Variants in PCDH7 observed in about 807,000 individuals in gnomAD.
PCDH7 encodes the protein protocadherin 7, also known as protocadherin-7.
PCDH7 carries 17 observed loss-of-function variants against 58.9 expected under a neutral mutation model. The ratio of observed to expected loss-of-function variants is 0.29; its 90% CI spans 0.20 to 0.43. The LOEUF (loss-of-function observed/expected upper bound fraction) is 0.43, where lower values mean the gene tolerates loss of function less well. Ranked by LOEUF, PCDH7 falls within the 20% of genes least tolerant of loss-of-function variation. PCDH7 has a pLI of 1.00. For synonymous variants in PCDH7, 664 were observed against 616.4 expected (o/e 1.08, Z -1.14); for missense variants, 1,274 against 1,441.0 (o/e 0.88, Z 1.88).
chr4:31,077,902 G>C (rs2109262957), intron 3 of PCDH7, among the ~76,000 whole-genome samples: 2 of 152,240 alleles, frequency 1.3e-5, no homozygotes, highest in Middle Eastern at 6.8e-3. Context: ...TTAACAAGCT[G>C]TTTTGAAGGA....
At chr4:31,124,366 T>C (rs1243359165) in intron 3 of PCDH7, among the ~76,000 whole-genome samples, 1 of 152,212 alleles carries the variant, frequency 6.6e-6, no homozygotes, top group Non-Finnish European at 1.5e-5. Context: ...ACATAGTTGA[T>C]AAGTGGCAGA....
At chr4:30,885,047 T>A (rs1009019630) in intron 1 of PCDH7, 6 of 152,188 alleles carry the variant, frequency 3.9e-5, no homozygotes, top group Admixed American at 3.9e-4. Context: ...GGGAATTATC[T>A]TGTAAGGGTG....
chr4:30,920,015 T>C (rs778830750), intron 1 of PCDH7, 138 bp from the exon 2 acceptor site: 10 of 480,294 alleles, frequency 2.1e-5, no homozygotes, highest in Non-Finnish European at 3.5e-5. Context: ...AGTTAACTAA[T>C]GCAGTTTCAA....
At chr4:31,061,877 C>A (rs905605333) in intron 3 of PCDH7, among the ~76,000 whole-genome samples, 4 of 151,640 alleles carry the variant, frequency 2.6e-5, no homozygotes, top group African/African-American at 9.7e-5. Context: ...ATTGGTTGTG[C>A]ATATACACAG....
chr4:30,817,209 A>G (rs1203823474), intron 1 of PCDH7, among the ~76,000 whole-genome samples: 2 of 152,196 alleles, frequency 1.3e-5, no homozygotes, highest in Admixed American at 1.3e-4. Context: ...TGGGACCTTA[A>G]GCAGGTCATC....
intron 1 of PCDH7, among the ~76,000 whole-genome samples, chr4:30,753,848 A>G (rs1214661707): frequency 6.6e-6 from 1 of 152,180 alleles, no homozygotes; most frequent in Non-Finnish European, 1.5e-5. Flanking sequence ...CATTGCACAT[A>G]TAAATATGGA....
At chr4:30,980,832 AG>A in intron 3 of PCDH7, among the ~76,000 whole-genome samples, 1 of 152,040 alleles carries the variant, frequency 6.6e-6, no homozygotes, top group East Asian at 1.9e-4. Flanking sequence ...GAATCTCTTT[AG>A]TTATTTATTT....
intron 1 of PCDH7, among the ~76,000 whole-genome samples, chr4:30,905,639 T>C (rs139754122): frequency 5.5e-4 from 84 of 152,290 alleles, no homozygotes; most frequent in African/African-American, 2.0e-3. Context: ...TCTGTTGGAT[T>C]GCATGTCATT....
chr4:31,097,440 T>G (rs1214859281), intron 3 of PCDH7, among the ~76,000 whole-genome samples: 1 of 143,376 alleles, frequency 7.0e-6, no homozygotes, highest in Non-Finnish European at 1.5e-5. Context: ...CGTTGTAGAG[T>G]AAGACTTCGT....
chr4:31,057,092 T>A (rs1234928271), intron 3 of PCDH7, among the ~76,000 whole-genome samples: 2 of 152,226 alleles, frequency 1.3e-5, no homozygotes, highest in Non-Finnish European at 2.9e-5. Flanking sequence ...TATTCATAAA[T>A]GTACTTTATT....
intron 1 of PCDH7, among the ~76,000 whole-genome samples, chr4:30,908,737 C>T (rs1560491464): frequency 6.6e-6 from 1 of 152,014 alleles, no homozygotes; most frequent in African/African-American, 2.4e-5. Flanking sequence ...TCTTCTGAAA[C>T]TATTCCAAAC....
intron 2 of PCDH7, among the ~76,000 whole-genome samples, chr4:30,933,564 G>T (rs1386762664): frequency 1.3e-5 from 2 of 152,050 alleles, no homozygotes; most frequent in Non-Finnish European, 2.9e-5. Context: ...ATATATAAAG[G>T]ATTTTTTTCA....
chr4:30,854,533 T>C (rs1733199752), intron 1 of PCDH7, among the ~76,000 whole-genome samples: 1 of 151,886 alleles, frequency 6.6e-6, no homozygotes, highest in Non-Finnish European at 1.5e-5. Context: ...TTTATTAAGC[T>C]CTAAAATGAT....
chr4:31,118,900 A>G (rs1445398477), intron 3 of PCDH7, among the ~76,000 whole-genome samples: 3 of 152,208 alleles, frequency 2.0e-5, no homozygotes, highest in Admixed American at 6.5e-5. Flanking sequence ...GTAAACCTCA[A>G]TATATATGTA....
At chr4:30,793,519 G>A (rs890383285) in intron 1 of PCDH7, among the ~76,000 whole-genome samples, 2 of 151,778 alleles carry the variant, frequency 1.3e-5, no homozygotes, top group African/African-American at 4.8e-5. Context: ...TTCCCAACGG[G>A]TTTAGTGAAG....
chr4:30,736,753 GTCTCGATA>G (rs1378969730), downstream of PCDH7, among the ~76,000 whole-genome samples: 10 of 151,726 alleles, frequency 6.6e-5, no homozygotes, highest in Non-Finnish European at 7.4e-5. Context: ...AGCCAGGATG[GTCTCGATA>G]TCTTGACCTC....
At chr4:30,886,661 G>A (rs1004468282) in intron 1 of PCDH7, among the ~76,000 whole-genome samples, 6 of 150,814 alleles carry the variant, frequency 4.0e-5, no homozygotes, top group African/African-American at 1.5e-4. Context: ...CTGCTATAAA[G>A]ACACATGCAC....
Position 30,722,362 on chromosome 4 carries a change from G to A in PCDH7, c.940G>A (p.Glu314Lys). Residue 314 changes from glutamate (E) to lysine (K), a missense_variant, in exon 1 of 2, where the codon GAG becomes AAG. Glu to Lys is a moderately conservative substitution (Grantham distance 56). This residue lies in a region of PCDH7 where 331 missense variants were observed against 303.2 expected (regional missense o/e 1.09). Transcript: ENST00000361762. The surrounding 1 kb of genome is among the most constrained non-coding windows in gnomAD (Gnocchi z 7.6). Reference sequence around the variant, plus strand: ...CCCCCGCTTCGAGAAGAGCGTGTACGAGGCCGACTTGGCTGAGAACAGCGC... The same window carrying A: ...CCCCCGCTTCGAGAAGAGCGTGTACAAGGCCGACTTGGCTGAGAACAGCGC... 6.2e-7 allele frequency: 1 copy of A among 1,612,410 alleles called. No individual in the cohort carries two copies. The highest frequency in any genetic ancestry group is 8.5e-7 in the Non-Finnish European group (1 of 1,179,854).
intron 1 of PCDH7, among the ~76,000 whole-genome samples, chr4:30,806,377 TCA>T (rs1726209252): frequency 1.3e-5 from 2 of 152,072 alleles, no homozygotes; most frequent in Admixed American, 6.6e-5. Context: ...CAATCTTGGC[TCA>T]CTGCAACCTC....
Sources: allele counts gnomAD v4.1 joint callset (sites outside exome capture counted in the v4.1 genomes callset), GRCh38; gene constraint gnomAD v4.1.1; regional missense constraint gnomAD v4.1.1; non-coding constraint Gnocchi (gnomAD v3.1); transcripts MANE v1.5; gene names NCBI Gene and HGNC (gene_info 2026-07-23, HGNC 2026-07-21).